Variants in LHFPL3 observed in about 807,000 individuals in gnomAD.
The protein encoded by LHFPL3 is LHFPL tetraspan subfamily member 3 protein.
In LHFPL3, 5 loss-of-function variants were observed where a neutral mutation model predicts 19.3. The observed-to-expected ratio is 0.26, with a 90% confidence interval of 0.14 to 0.54. The LOEUF (loss-of-function observed/expected upper bound fraction) is 0.54. LHFPL3 is among the 20% of genes least tolerant of loss of function. The pLI is 0.94. For synonymous variants in LHFPL3, 133 were observed against 126.2 expected (o/e 1.05, Z -0.36); for missense variants, 249 against 307.4 (o/e 0.81, Z 1.42).
At chr7:104,487,572 G>A (rs2115679462) in intron 1 of LHFPL3, among the ~76,000 whole-genome samples, 1 of 152,342 alleles carries the variant, frequency 6.6e-6, no homozygotes, top group African/African-American at 2.4e-5. Context: ...GAAAACCCAT[G>A]CAGACACGAG....
intron 2 of LHFPL3, among the ~76,000 whole-genome samples, chr7:104,897,372 T>G (rs1348076442): frequency 6.6e-6 from 1 of 152,202 alleles, no homozygotes; most frequent in African/African-American, 2.4e-5. Flanking sequence ...TTCCCTTTGG[T>G]CTAGAGAGGA....
At chr7:104,496,755 G>A (rs962865246) in intron 1 of LHFPL3, among the ~76,000 whole-genome samples, 2 of 152,156 alleles carry the variant, frequency 1.3e-5, no homozygotes, top group African/African-American at 4.8e-5. Flanking sequence ...TAAATATAAT[G>A]AAATGAAGCC....
chr7:104,841,520 G>GTGTGTGTA (rs1219836325), intron 2 of LHFPL3, among the ~76,000 whole-genome samples: 3 of 151,916 alleles, frequency 2.0e-5, no homozygotes, highest in African/African-American at 7.2e-5. Context: ...GTGTGTGTGT[G>GTGTGTGTA]TGTGTGTGTC....
intron 1 of LHFPL3, among the ~76,000 whole-genome samples, chr7:104,589,755 G>A (rs1790667071): frequency 6.6e-6 from 1 of 152,054 alleles, no homozygotes; most frequent in African/African-American, 2.4e-5. Flanking sequence ...ACTTTTTTTG[G>A]TTAGTAGGCT....
chr7:104,682,465 A>G (rs901868640), intron 1 of LHFPL3, among the ~76,000 whole-genome samples: 7 of 152,198 alleles, frequency 4.6e-5, no homozygotes, highest in Non-Finnish European at 8.8e-5. Flanking sequence ...CTTAACCTCA[A>G]ATGGGAAAAT....
intron 2 of LHFPL3, among the ~76,000 whole-genome samples, chr7:104,742,037 T>C (rs12111960): frequency 0.014 from 2,069 of 152,332 alleles, 55 homozygotes; most frequent in African/African-American, 0.048. Flanking sequence ...CTTGATATGC[T>C]GCTTAATTGC....
intron 2 of LHFPL3, among the ~76,000 whole-genome samples, chr7:104,777,749 ACTT>A (rs1265379080): frequency 2.0e-5 from 3 of 150,882 alleles, no homozygotes; most frequent in African/African-American, 4.9e-5. Context: ...CCATTGATGA[ACTT>A]CTTTTTTTTT....
intron 2 of LHFPL3, among the ~76,000 whole-genome samples, chr7:104,896,968 C>G (rs1046427061): frequency 1.3e-5 from 2 of 152,022 alleles, no homozygotes; most frequent in African/African-American, 2.4e-5. Context: ...CACCTGTAGT[C>G]CCAGCTACTT....
chr7:104,605,871 G>GA (rs11443804), intron 1 of LHFPL3, among the ~76,000 whole-genome samples: 127,380 of 147,498 alleles, frequency 0.86, 56,235 homozygotes, highest in Non-Finnish European at 0.96. Flanking sequence ...ATGATGGTCT[G>GA]AAAAAAAAAA....
chr7:104,359,264 A>T (rs1790344224), intron 1 of LHFPL3, among the ~76,000 whole-genome samples: 3 of 152,204 alleles, frequency 2.0e-5, no homozygotes, highest in Non-Finnish European at 4.4e-5. Flanking sequence ...ACTAAGGAGG[A>T]ATTTATTTAC....
chr7:104,814,051 G>A lies in LHFPL3; in HGVS notation c.682+77140G>A, dbSNP rs188262103. ...AGGTATGCAGACAAGTGGAGGGTGA[G>A]CAAGATGAAGAGGAGCTTTACTGAG... On this transcript the variant is annotated intron_variant, in intron 2 of 2. Transcript: ENST00000424859. Among the ~76,000 whole-genome samples, 281 of 152,328 alleles carry A rather than the reference G, an allele frequency of 1.8e-3. 2 individuals are homozygous for A. The highest frequency in any genetic ancestry group is 6.3e-3 in the African/African-American group (260 of 41,584).
chr7:104,519,090 C>G lies in LHFPL3; in HGVS notation c.445+189866C>G, dbSNP rs1456050974. 2.0e-5 allele frequency among the ~76,000 whole-genome samples: 3 copies of G among 152,108 alleles called. No homozygotes were observed. The South Asian group carries it at 6.2e-4, about 32-fold the overall frequency. ...GTTCCCTCAGGATCGTCACTGTTCC[C>G]TCTCAATCTGACATACTAAAGCTCA... On this transcript the variant is annotated intron_variant, in intron 1 of 2. Transcript: ENST00000424859.
intron 1 of LHFPL3, among the ~76,000 whole-genome samples, chr7:104,516,216 C>T (rs755825412): frequency 6.6e-5 from 10 of 151,988 alleles, no homozygotes; most frequent in African/African-American, 9.7e-5. Context: ...CAGAGCGAAG[C>T]GGGGTGGGGA....
chr7:104,688,559 C>T (rs1792847328), intron 1 of LHFPL3, among the ~76,000 whole-genome samples: 1 of 117,930 alleles, frequency 8.5e-6, no homozygotes, highest in Non-Finnish European at 1.9e-5. Context: ...GAGGAAACAG[C>T]CTCCCCACCC....
At chr7:104,826,328 G>A (rs1222345656) in intron 2 of LHFPL3, 1 of 155,226 alleles carries the variant, frequency 6.4e-6, no homozygotes, top group Non-Finnish European at 1.5e-5. Flanking sequence ...GTGACATCAG[G>A]ATAACAGAAA....
At chr7:104,467,583 A>T (rs553440091) in intron 1 of LHFPL3, among the ~76,000 whole-genome samples, 5 of 152,334 alleles carry the variant, frequency 3.3e-5, no homozygotes, top group African/African-American at 1.2e-4. Flanking sequence ...CCCGTATTAG[A>T]TTGTGTTGCA....
chr7:104,506,903 A>C (rs930415404), intron 1 of LHFPL3, among the ~76,000 whole-genome samples: 1 of 152,232 alleles, frequency 6.6e-6, no homozygotes, highest in African/African-American at 2.4e-5. Flanking sequence ...TTTAGAAAAA[A>C]CAAATTGTGA....
At chr7:104,650,274 C>A (rs1489548832) in intron 1 of LHFPL3, among the ~76,000 whole-genome samples, 1 of 152,190 alleles carries the variant, frequency 6.6e-6, no homozygotes, top group Non-Finnish European at 1.5e-5. Context: ...TCTCCAGGGA[C>A]TTCCTGAGCA....
chr7:104,650,408 T>C (rs1792010567), intron 1 of LHFPL3, among the ~76,000 whole-genome samples: 2 of 152,196 alleles, frequency 1.3e-5, no homozygotes, highest in African/African-American at 4.8e-5. Flanking sequence ...GAAATCATTG[T>C]TCCTCACTGC....
Sources: gnomAD v4.1 joint callset for allele counts (sites outside exome capture counted in the v4.1 genomes callset) on GRCh38, gnomAD v4.1.1 for gene constraint, MANE v1.5 for transcripts, NCBI Gene and HGNC (gene_info 2026-07-23, HGNC 2026-07-21) for gene names.